Variants in TBL1Y observed in about 807,000 individuals in gnomAD.
TBL1Y encodes the protein transducin beta like 1 Y-linked, also known as F-box-like/WD repeat-containing protein TBL1Y.
In TBL1Y, 15 loss-of-function variants were observed where a neutral mutation model predicts 12.0. That is an observed-to-expected ratio of 1.25 (90% confidence interval 0.83 to 1.92). The LOEUF (loss-of-function observed/expected upper bound fraction) is 1.92. Among genes scored for constraint, TBL1Y ranks in the 40% most tolerant of loss-of-function variants. The pLI, the probability that TBL1Y is intolerant of heterozygous loss-of-function variation, is 0.00. For synonymous variants in TBL1Y, 53 were observed against 42.6 expected (o/e 1.24, Z -0.95); for missense variants, 148 against 116.7 (o/e 1.27, Z -1.24).
chrY:6,978,318 A>G, intron 3 of TBL1Y, 75 bp downstream of exon 3: 1 of 34,028 alleles, frequency 2.9e-5, no homozygotes, highest in African/African-American at 1.1e-4. Context: ...GTTATATGAT[A>G]TTGAAGCTAA....
At chrY:7,035,512 T>C (rs2012686766) in intron 6 of TBL1Y, among the ~76,000 whole-genome samples, 1 of 34,296 alleles carries the variant, frequency 2.9e-5, no homozygotes, top group African/African-American at 1.1e-4. Context: ...CGCATGTTTA[T>C]TGCGGCACTG....
At chrY:7,062,848 C>G (rs971634260) in intron 7 of TBL1Y, among the ~76,000 whole-genome samples, 2 of 33,383 alleles carry the variant, frequency 6.0e-5, no homozygotes, top group Admixed American at 2.7e-4. Context: ...AACCTCTAAG[C>G]CGCCCCCGAC....
chrY:7,000,596 C>G, intron 4 of TBL1Y, among the ~76,000 whole-genome samples: 1 of 33,731 alleles, frequency 3.0e-5, no homozygotes, highest in African/African-American at 1.2e-4. Context: ...AAGACTAAAC[C>G]TGGTTCAGGC....
At chrY:7,049,234 T>G in intron 7 of TBL1Y, among the ~76,000 whole-genome samples, 4 of 33,962 alleles carry the variant, frequency 1.2e-4, no homozygotes, top group Admixed American at 1.0e-3. Flanking sequence ...GGCTGCATAG[T>G]ATTCCATGGT....
chrY:7,045,781 G>A lies in TBL1Y; in HGVS notation c.204+2656G>A, dbSNP rs200618207. ...AGATATAATGGGAACTTCAGGGGGT[G>A]GATACTTATGCTGTCAGGAATGTTT... On this transcript the variant is annotated intron_variant, in intron 7 of 18. Transcript: ENST00000383032. Among the ~76,000 whole-genome samples, 58 of 33,296 alleles carry A rather than the reference G, an allele frequency of 1.7e-3. No individual in the cohort carries two copies. In the East Asian group the frequency reaches 0.045, roughly 26 times the overall value. The allele number at this position is 33,296 out of a possible 37,273, so 89.3% of individuals were successfully genotyped here.
intron 6 of TBL1Y, among the ~76,000 whole-genome samples, chrY:7,027,684 AAAAC>A (rs1452392277): frequency 9.2e-5 from 3 of 32,510 alleles, no homozygotes; most frequent in South Asian, 1.5e-3. Flanking sequence ...TCCGTCTCAA[AAAAC>A]AAACAAACAA....
chrY:6,929,532 C>T, intron 2 of TBL1Y, among the ~76,000 whole-genome samples: 1 of 33,227 alleles, frequency 3.0e-5, no homozygotes, highest in Non-Finnish European at 7.4e-5. Flanking sequence ...GCAGTGCCTT[C>T]CTGGGCCCCT....
intron 2 of TBL1Y, among the ~76,000 whole-genome samples, chrY:6,921,924 T>G: frequency 3.0e-5 from 1 of 33,488 alleles, no homozygotes; most frequent in Non-Finnish European, 7.4e-5. Flanking sequence ...GCTTCTTGGT[T>G]TCATTGACAT....
chrY:6,912,851 A>C, intron 2 of TBL1Y, among the ~76,000 whole-genome samples: 3 of 31,061 alleles, frequency 9.7e-5, no homozygotes, highest in South Asian at 7.5e-4. Context: ...AAAAAAAAAA[A>C]AAAACACTGT....
intron 4 of TBL1Y, among the ~76,000 whole-genome samples, chrY:7,011,720 A>T (rs180981568): frequency 1.8e-4 from 6 of 33,899 alleles, no homozygotes; most frequent in African/African-American, 6.9e-4. Flanking sequence ...CACATTGATG[A>T]TATCAGTAGG....
chrY:6,942,027 C>T (rs2011955313), intron 2 of TBL1Y, among the ~76,000 whole-genome samples: 1 of 32,254 alleles, frequency 3.1e-5, no homozygotes, highest in Non-Finnish European at 7.5e-5. Flanking sequence ...TGGTGGTGTG[C>T]GCCTGTAATC....
At chrY:6,958,627 A>T (rs2012085610) in intron 2 of TBL1Y, among the ~76,000 whole-genome samples, 1 of 32,922 alleles carries the variant, frequency 3.0e-5, no homozygotes, top group South Asian at 7.3e-4. Flanking sequence ...GTAGGAGGGC[A>T]GGGTGATCAT....
chrY:7,068,940 A>C, intron 8 of TBL1Y, among the ~76,000 whole-genome samples: 8 of 27,829 alleles, frequency 2.9e-4, no homozygotes, highest in Non-Finnish European at 5.7e-4. Context: ...AAGAGTCACC[A>C]ACATTGAAGA....
intron 17 of TBL1Y, among the ~76,000 whole-genome samples, chrY:7,089,554 G>A: frequency 1.8e-4 from 6 of 33,615 alleles, no homozygotes; most frequent in African/African-American, 7.0e-4. Flanking sequence ...ACTTTGGGAG[G>A]CTGAGGTGGG....
At chrY:7,045,588 C>T (rs2012753363) in intron 7 of TBL1Y, among the ~76,000 whole-genome samples, 1 of 33,225 alleles carries the variant, frequency 3.0e-5, no homozygotes, top group East Asian at 8.0e-4. Context: ...TGCCGTAGTT[C>T]TGAGCTATTG....
At chrY:7,036,511 G>A in intron 6 of TBL1Y, among the ~76,000 whole-genome samples, 1 of 33,622 alleles carries the variant, frequency 3.0e-5, no homozygotes, top group Admixed American at 2.7e-4. Flanking sequence ...TAGCAAGGTG[G>A]GCAGGGGGTG....
At chrY:6,936,937 A>G in intron 2 of TBL1Y, among the ~76,000 whole-genome samples, 1 of 33,309 alleles carries the variant, frequency 3.0e-5, no homozygotes, top group African/African-American at 1.2e-4. Context: ...TTTTACTGAC[A>G]GTTTTACGGA....
chrY:7,017,029 G>A, intron 4 of TBL1Y, among the ~76,000 whole-genome samples: 1 of 33,551 alleles, frequency 3.0e-5, no homozygotes, highest in Admixed American at 2.7e-4. Context: ...GCTATAAAAA[G>A]AGTGAAGCCC....
chrY:6,921,866 T>C (rs917024566), intron 2 of TBL1Y, among the ~76,000 whole-genome samples: 2 of 33,199 alleles, frequency 6.0e-5, no homozygotes, highest in African/African-American at 1.2e-4. Flanking sequence ...TGAGATGGAG[T>C]CTCACTCTGT....
Sources: allele counts gnomAD v4.1 joint callset (sites outside exome capture counted in the v4.1 genomes callset), GRCh38; gene constraint gnomAD v4.1.1; transcripts MANE v1.5; gene names NCBI Gene and HGNC (gene_info 2026-07-23, HGNC 2026-07-21).